MROH9: variants seen among roughly 807,000 people sequenced by gnomAD.
MROH9 encodes maestro heat-like repeat-containing protein family member 9.
MROH9 carries 92 observed loss-of-function variants against 98.2 expected under a neutral mutation model. The ratio of observed to expected loss-of-function variants is 0.94; its 90% CI spans 0.79 to 1.11. The LOEUF is 1.11. Among genes scored for constraint, MROH9 ranks in the 50% most tolerant of loss-of-function variants. MROH9 has a pLI of 0.00. For synonymous variants in MROH9, 397 were observed against 368.9 expected (o/e 1.08, Z -0.87); for missense variants, 1,057 against 1,014.8 (o/e 1.04, Z -0.57).
At chr1:170,952,508 C>A (rs1649592567) in intron 3 of MROH9, among the ~76,000 whole-genome samples, 2 of 150,074 alleles carry the variant, frequency 1.3e-5, no homozygotes, top group Non-Finnish European at 1.5e-5. Flanking sequence ...GGACAAAAAA[C>A]CAAACACTGC....
intron 21 of MROH9, among the ~76,000 whole-genome samples, chr1:171,062,725 G>A (rs943396862): frequency 1.1e-4 from 16 of 152,160 alleles, no homozygotes; most frequent in East Asian, 3.8e-4. Flanking sequence ...TCTGTCTATC[G>A]TCCCATCAGG....
intron 3 of MROH9, among the ~76,000 whole-genome samples, chr1:170,951,285 C>T (rs1348268480): frequency 1.3e-5 from 2 of 152,060 alleles, no homozygotes; most frequent in African/African-American, 2.4e-5. Flanking sequence ...ATCAATTTGT[C>T]TCTACAGGAA....
intron 20 of MROH9, among the ~76,000 whole-genome samples, chr1:171,029,046 T>C (rs1181334168): frequency 1.3e-5 from 2 of 152,224 alleles, no homozygotes; most frequent in Non-Finnish European, 1.5e-5. Flanking sequence ...TTCAATACTA[T>C]GTTGAATATG....
chr1:170,966,489 G>A (rs1485157442), intron 7 of MROH9, among the ~76,000 whole-genome samples: 1 of 152,082 alleles, frequency 6.6e-6, no homozygotes, highest in Non-Finnish European at 1.5e-5. Context: ...AGTAAAGAGG[G>A]TGAGAAACAT....
rs997234342 is a variant in MROH9, at chr1:170,938,738, G to C, written c.-38+3151G>C. On this transcript the variant is annotated intron_variant, in intron 1 of 21. Transcript: ENST00000367759. Reference sequence around the variant, plus strand: ...GACGGCAAATCCATATCCAGGGTAAGTGTCTATTTCAGTAAGGACAAAATG... The same window carrying C: ...GACGGCAAATCCATATCCAGGGTAACTGTCTATTTCAGTAAGGACAAAATG... Among the ~76,000 whole-genome samples the C allele has an allele frequency of 5.1e-4, 78 of 152,248 alleles. 1 individual carries two copies. Among genetic ancestry groups the C allele is most frequent in the Non-Finnish European group, 9.3e-4 (63 of 68,054 alleles).
chr1:170,962,187 T>C (rs1650039761), intron 6 of MROH9, among the ~76,000 whole-genome samples: 1 of 152,114 alleles, frequency 6.6e-6, no homozygotes, highest in South Asian at 2.1e-4. Flanking sequence ...AAGGACAGCA[T>C]CAACAGGTAC....
intron 7 of MROH9, among the ~76,000 whole-genome samples, chr1:170,967,788 A>G (rs2101899439): frequency 6.6e-6 from 1 of 152,310 alleles, no homozygotes; most frequent in Non-Finnish European, 1.5e-5. Flanking sequence ...TCAACTTTCA[A>G]CAGGCAAAGA....
In MROH9 at chr1:170,986,614, C is replaced by G. The variant is rs757908529; in HGVS notation, c.783C>G (p.Leu261=). 1 of 1,613,776 alleles carries G rather than the reference C, an allele frequency of 6.2e-7. No homozygotes were observed. Among genetic ancestry groups the G allele is most frequent in the Non-Finnish European group, 8.5e-7 (1 of 1,179,886 alleles). The change falls in exon 10 of 22, where the codon CTC becomes CTG. Residue 261 remains leucine, a synonymous_variant. Coordinates refer to ENST00000367759, the MANE Select transcript of MROH9 (RefSeq NM_001163629.2). ...PPLLTDFVQS[L]LMKLSSPDDK... ...TGCTGACTGACTTTGTGCAGAGTCTCCTGATGAAACTCTCTTCACCTGATG... is the reference window on the plus strand; with the variant it reads ...TGCTGACTGACTTTGTGCAGAGTCTGCTGATGAAACTCTCTTCACCTGATG...
chr1:170,969,152 T>C (rs1650341279), intron 7 of MROH9, among the ~76,000 whole-genome samples: 1 of 152,116 alleles, frequency 6.6e-6, no homozygotes, highest in African/African-American at 2.4e-5. Flanking sequence ...GCAGCAAAAT[T>C]CACAGTAGCT....
intron 20 of MROH9, among the ~76,000 whole-genome samples, chr1:171,038,766 A>G (rs894712681): frequency 1.3e-5 from 2 of 152,220 alleles, no homozygotes; most frequent in Non-Finnish European, 2.9e-5. Context: ...CATAATGACC[A>G]GAACTGTCAT....
chr1:170,952,015 G>A (rs993490192), intron 3 of MROH9, among the ~76,000 whole-genome samples: 5 of 152,038 alleles, frequency 3.3e-5, no homozygotes, highest in Non-Finnish European at 5.9e-5. Context: ...ATCATCACTG[G>A]CCATCAGAGA....
At chr1:171,029,635 G>C (rs1652840401) in intron 20 of MROH9, among the ~76,000 whole-genome samples, 1 of 152,156 alleles carries the variant, frequency 6.6e-6, no homozygotes, top group African/African-American at 2.4e-5. Flanking sequence ...TGCATCGCAG[G>C]GATGACGCTG....
chr1:171,050,380 T>C (rs772759457), intron 20 of MROH9, among the ~76,000 whole-genome samples: 1 of 152,210 alleles, frequency 6.6e-6, no homozygotes, highest in Admixed American at 6.5e-5. Flanking sequence ...GTTCTTCTTA[T>C]AGAGATCTTT....
At chr1:171,012,166 A>G (rs1652176720) in intron 15 of MROH9, among the ~76,000 whole-genome samples, 1 of 152,044 alleles carries the variant, frequency 6.6e-6, no homozygotes, top group Non-Finnish European at 1.5e-5. Flanking sequence ...TGATCCACAA[A>G]TTAGGGGAAA....
chr1:171,014,279 C>T, intron 16 of MROH9, 25 bp downstream of exon 16: 1 of 1,534,774 alleles, frequency 6.5e-7, no homozygotes, highest in Non-Finnish European at 8.8e-7. Context: ...TTTGTGTCTG[C>T]AAGCATCATC....
At chr1:171,056,317 G>A (rs1557916653) in intron 20 of MROH9, among the ~76,000 whole-genome samples, 1 of 152,146 alleles carries the variant, frequency 6.6e-6, no homozygotes, top group Non-Finnish European at 1.5e-5. Flanking sequence ...CAGTAGGGCT[G>A]GACACCTTGG....
At chr1:170,958,284 T>C (rs1321220517) in intron 3 of MROH9, among the ~76,000 whole-genome samples, 177 bp from the exon 4 acceptor site, 2 of 152,248 alleles carry the variant, frequency 1.3e-5, no homozygotes, top group African/African-American at 4.8e-5. Context: ...AACATACTAT[T>C]GTAGATTTAA....
chr1:170,944,257 T>C (rs1213333752), intron 1 of MROH9, among the ~76,000 whole-genome samples: 2 of 151,972 alleles, frequency 1.3e-5, no homozygotes, highest in Admixed American at 1.3e-4. Context: ...TATAAGAAGT[T>C]ATTGTAATCC....
chr1:170,994,759 G>A (rs1176406422), intron 12 of MROH9, among the ~76,000 whole-genome samples: 1 of 151,918 alleles, frequency 6.6e-6, no homozygotes, highest in African/African-American at 2.4e-5. Flanking sequence ...CCCTTTCCCA[G>A]CCTCTGGTAA....
Sources: gnomAD v4.1 joint callset for allele counts (sites outside exome capture counted in the v4.1 genomes callset) on GRCh38, gnomAD v4.1.1 for gene constraint, MANE v1.5 for transcripts, NCBI Gene and HGNC (gene_info 2026-07-23, HGNC 2026-07-21) for gene names.